The following DENND5A variants were observed in gnomAD, a reference collection of about 807,000 sequenced individuals.
The protein encoded by DENND5A is DENN domain containing 5A.
Under a neutral mutation model 140.3 loss-of-function variants are expected in DENND5A, and 64 were observed. That is an observed-to-expected ratio of 0.46 (90% CI 0.37 to 0.56). The LOEUF is 0.56. DENND5A is among the 20% of genes least tolerant of loss of function. The pLI, the probability that DENND5A is intolerant of heterozygous loss-of-function variation, is 0.00. For missense variants in DENND5A, 1,292 were observed against 1,593.8 expected, an observed-to-expected ratio of 0.81 and a Z score of 3.22; for synonymous variants, 605 against 607.7, an observed-to-expected ratio of 1.00 and a Z score of 0.07.
chr11:9,187,783 C>T (rs930438157), intron 5 of DENND5A, among the ~76,000 whole-genome samples: 1 of 152,192 alleles, frequency 6.6e-6, no homozygotes, highest in African/African-American at 2.4e-5. Flanking sequence ...ACAAAGGATG[C>T]CTCACAAAGG....
chr11:9,157,913 G>A (rs1023300740), intron 12 of DENND5A, among the ~76,000 whole-genome samples: 1 of 152,188 alleles, frequency 6.6e-6, no homozygotes, highest in Non-Finnish European at 1.5e-5. Flanking sequence ...AAGTCATCCA[G>A]TGGAGCCAGG....
intron 1 of DENND5A, among the ~76,000 whole-genome samples, chr11:9,246,761 G>C (rs1160097502): frequency 6.6e-6 from 1 of 151,978 alleles, no homozygotes; most frequent in Non-Finnish European, 1.5e-5. Context: ...TTTATACAAA[G>C]CTTTTCTTCC....
At chr11:9,211,927 C>T (rs1409204143) in intron 1 of DENND5A, among the ~76,000 whole-genome samples, 1 of 83,330 alleles carries the variant, frequency 1.2e-5, no homozygotes, top group African/African-American at 5.6e-5. Flanking sequence ...AAGACTCCGT[C>T]TCAAAAAAAA....
intron 1 of DENND5A, among the ~76,000 whole-genome samples, chr11:9,234,314 C>T (rs1042132870): frequency 6.7e-6 from 1 of 149,140 alleles, no homozygotes; most frequent in Non-Finnish European, 1.5e-5. Flanking sequence ...TCCCACCGAT[C>T]CCCCCCCCAA....
intron 1 of DENND5A, among the ~76,000 whole-genome samples, chr11:9,255,746 T>A (rs1250007060): frequency 6.6e-6 from 1 of 151,972 alleles, no homozygotes; most frequent in Non-Finnish European, 1.5e-5. Flanking sequence ...ACACCTGTAG[T>A]CCCAGCTACT....
intron 8 of DENND5A, among the ~76,000 whole-genome samples, chr11:9,174,722 AT>A (rs1477536849): frequency 6.6e-6 from 1 of 151,984 alleles, no homozygotes; most frequent in Non-Finnish European, 1.5e-5. Flanking sequence ...AACAAAAAAA[AT>A]CAATATAATT....
intron 6 of DENND5A, 35 bp from the exon 7 acceptor site, chr11:9,179,108 C>T: frequency 6.3e-7 from 1 of 1,579,308 alleles, no homozygotes; most frequent in Non-Finnish European, 8.7e-7. Flanking sequence ...AGAACACATA[C>T]ACTTTTTCCT....
At chr11:9,169,495 G>GCACACGCACA (rs1554916429) in intron 10 of DENND5A, among the ~76,000 whole-genome samples, 1 of 145,716 alleles carries the variant, frequency 6.9e-6, no homozygotes, top group Admixed American at 6.9e-5. Context: ...ATATACACAC[G>GCACACGCACA]CACACACACA....
At chr11:9,228,927 A>G (rs986745698) in intron 1 of DENND5A, among the ~76,000 whole-genome samples, 2 of 152,200 alleles carry the variant, frequency 1.3e-5, no homozygotes, top group African/African-American at 4.8e-5. Context: ...AGTACTTTCC[A>G]GAGTTCTATG....
At chr11:9,161,305 G>A (rs575610723) in intron 11 of DENND5A, among the ~76,000 whole-genome samples, 11 of 152,036 alleles carry the variant, frequency 7.2e-5, no homozygotes, top group East Asian at 1.9e-4. Context: ...CTGAGATCGC[G>A]CCACTGCACT....
chr11:9,264,036 A>G (rs1021694358), intron 1 of DENND5A, among the ~76,000 whole-genome samples: 1 of 152,112 alleles, frequency 6.6e-6, no homozygotes, highest in Admixed American at 6.6e-5. Flanking sequence ...TTAAAGTACA[A>G]CCCGACAAAC....
intron 1 of DENND5A, among the ~76,000 whole-genome samples, chr11:9,227,916 A>C (rs1172806952): frequency 2.0e-5 from 3 of 151,954 alleles, no homozygotes; most frequent in African/African-American, 7.3e-5. Flanking sequence ...GTTCGAGACC[A>C]ACCTGGCCAA....
At chr11:9,259,136 T>C (rs1253497988) in intron 1 of DENND5A, among the ~76,000 whole-genome samples, 2 of 152,084 alleles carry the variant, frequency 1.3e-5, no homozygotes, top group African/African-American at 4.8e-5. Context: ...GGCACATGCC[T>C]GTAATCCCAG....
chr11:9,215,548 TTC>T (rs1491475688), intron 1 of DENND5A, among the ~76,000 whole-genome samples: 2 of 83,896 alleles, frequency 2.4e-5, no homozygotes, highest in Admixed American at 2.7e-4. Context: ...CAATCCTGTG[TTC>T]TTTTTTTTTT....
intron 1 of DENND5A, among the ~76,000 whole-genome samples, chr11:9,236,544 G>GA (rs11367232): frequency 6.5e-4 from 95 of 145,436 alleles, no homozygotes; most frequent in Non-Finnish European, 8.4e-4. Context: ...AAAAAAGAAA[G>GA]AAAAAAAAAA....
At chr11:9,146,871 CAAG>C in intron 16 of DENND5A, 156 bp downstream of exon 16, 1 of 759,366 alleles carries the variant, frequency 1.3e-6, no homozygotes, top group Non-Finnish European at 2.1e-6. Context: ...ACACAGCCTC[CAAG>C]GAGGGCAAGT....
chr11:9,219,556 C>T (rs573059004), intron 1 of DENND5A, among the ~76,000 whole-genome samples: 6 of 151,846 alleles, frequency 4.0e-5, no homozygotes, highest in Admixed American at 6.6e-5. Context: ...TCTGCCAAAA[C>T]GAGAATTAAC....
intron 1 of DENND5A, among the ~76,000 whole-genome samples, chr11:9,233,088 C>T (rs980189324): frequency 3.3e-5 from 5 of 152,186 alleles, no homozygotes; most frequent in African/African-American, 1.2e-4. Flanking sequence ...AAGTAGACTA[C>T]TTCTTGCTCA....
chr11:9,178,180 T>C lies in DENND5A; in HGVS notation c.1858A>G (p.Thr620Ala). ...TTCTGGTACATGGATGTACGGAGAG[T>C]AGGTGTCCGAACATTCAACAGCCTG... is the stretch of plus-strand genomic sequence containing the variant. ...KIRLLNVRTP[T>A]LRTSMYQKCT... The change falls in exon 8 of 23, where the codon ACT becomes GCT. Residue 620 changes from threonine to alanine, a missense_variant. Thr to Ala is a moderately conservative substitution (Grantham distance 58, BLOSUM62 0). Transcript: ENST00000328194. 6.2e-7 allele frequency: 1 copy of C among 1,613,846 alleles called. No homozygotes were observed. Among genetic ancestry groups the C allele is most frequent in the Non-Finnish European group, 8.5e-7 (1 of 1,179,902 alleles).
Sources: allele counts gnomAD v4.1 joint callset (sites outside exome capture counted in the v4.1 genomes callset), GRCh38; gene constraint gnomAD v4.1.1; transcripts MANE v1.5; gene names NCBI Gene and HGNC (gene_info 2026-07-23, HGNC 2026-07-21).